PCCA: variants seen among roughly 807,000 people sequenced by gnomAD.
PCCA encodes propionyl-CoA carboxylase subunit alpha.
Under a neutral mutation model 101.3 loss-of-function variants are expected in PCCA, and 74 were observed. The ratio of observed to expected loss-of-function variants is 0.73; its 90% CI spans 0.61 to 0.89. The LOEUF (loss-of-function observed/expected upper bound fraction) is 0.89. Among genes scored for constraint, PCCA ranks in the 40% least tolerant of loss-of-function variants. The pLI is 0.00. For synonymous variants in PCCA, 294 were observed against 313.6 expected (o/e 0.94, Z 0.66); for missense variants, 891 against 907.0 (o/e 0.98, Z 0.23).
intron 21 of PCCA, among the ~76,000 whole-genome samples, chr13:100,483,062 A>G (rs2084075118): frequency 1.3e-5 from 2 of 152,188 alleles, no homozygotes; most frequent in African/African-American, 4.8e-5. Context: ...CTGAAGGTTA[A>G]CAAGAGATAA....
intron 6 of PCCA, among the ~76,000 whole-genome samples, chr13:100,201,857 CAAAAAAAAAAAAAAAAAAA>C (rs55669622): frequency 3.3e-5 from 2 of 60,732 alleles, no homozygotes; most frequent in African/African-American, 6.7e-5. Flanking sequence ...AACTGCGTCT[CAAAAAAAAAAAAAAAAAAA>C]AAAAAAAAAA....
rs147411601 is a variant in PCCA, at chr13:100,233,884, C to T, written c.601-1958C>T. Among the ~76,000 whole-genome samples the T allele has an allele frequency of 1.8e-3, 278 of 152,222 alleles. 2 individuals carry two copies. The highest frequency in any genetic ancestry group is 6.4e-3 in the African/African-American group (266 of 41,552). Reference sequence around the variant, plus strand: ...TTGTGGCAGTGGAATTTTTAATTTGCTGTGTCAGATATAGATATGGCTTTA... The same window carrying T: ...TTGTGGCAGTGGAATTTTTAATTTGTTGTGTCAGATATAGATATGGCTTTA... On this transcript the variant is annotated intron_variant, in intron 7 of 23. Transcript: ENST00000376285.
At chr13:100,311,707 T>C (rs768196732) in intron 16 of PCCA, among the ~76,000 whole-genome samples, 1 of 152,024 alleles carries the variant, frequency 6.6e-6, no homozygotes, top group African/African-American at 2.4e-5. Flanking sequence ...GAGGTGGAGG[T>C]TGCAGTGAGA....
intron 16 of PCCA, among the ~76,000 whole-genome samples, chr13:100,324,484 C>T (rs1424276365): frequency 6.6e-6 from 1 of 151,538 alleles, no homozygotes. Context: ...CCTCGAAGTA[C>T]CAAAGAAAGA....
chr13:100,163,703 A>T (rs2054730863), intron 6 of PCCA, among the ~76,000 whole-genome samples: 1 of 152,212 alleles, frequency 6.6e-6, no homozygotes, highest in Non-Finnish European at 1.5e-5. Context: ...CATCACTGCT[A>T]TGCAATGTCA....
chr13:100,306,391 A>G (rs951437706), intron 14 of PCCA, among the ~76,000 whole-genome samples: 2 of 152,226 alleles, frequency 1.3e-5, no homozygotes, highest in Non-Finnish European at 2.9e-5. Context: ...AATACTTCAG[A>G]TTCCAAAACT....
At chr13:100,145,454 G>A (rs536518298) in intron 4 of PCCA, among the ~76,000 whole-genome samples, 52 of 152,296 alleles carry the variant, frequency 3.4e-4, no homozygotes, top group Admixed American at 3.3e-3. Flanking sequence ...GGATCCCTTG[G>A]CATATATTGA....
intron 12 of PCCA, among the ~76,000 whole-genome samples, chr13:100,298,721 TC>T (rs1298382161): frequency 7.4e-5 from 9 of 121,270 alleles, no homozygotes; most frequent in Non-Finnish European, 1.0e-4. Flanking sequence ...CTTCCTTCCT[TC>T]CTTCCTTCCT....
At chr13:100,385,561 C>G (rs745615440) in intron 19 of PCCA, among the ~76,000 whole-genome samples, 1 of 152,174 alleles carries the variant, frequency 6.6e-6, no homozygotes, top group Non-Finnish European at 1.5e-5. Flanking sequence ...TGATGAGATA[C>G]GATTTTCCAT....
chr13:100,438,206 A>G (rs544418526), intron 20 of PCCA, among the ~76,000 whole-genome samples: 1 of 151,458 alleles, frequency 6.6e-6, no homozygotes, highest in Admixed American at 6.6e-5. Context: ...CCCAGGCTAG[A>G]GTGCAGTGGT....
intron 22 of PCCA, among the ~76,000 whole-genome samples, chr13:100,519,446 C>G (rs2087068221): frequency 6.6e-6 from 1 of 152,246 alleles, no homozygotes; most frequent in African/African-American, 2.4e-5. Flanking sequence ...CTCTTGTGAA[C>G]AACGCCTTAA....
rs527490054 is a variant in PCCA at position 100,332,260 on chromosome 13, AT to A, written c.1540+1592del. Among the ~76,000 whole-genome samples the A allele has an allele frequency of 1.2e-4, 18 of 152,260 alleles. No homozygotes were observed. The South Asian group carries it at 3.5e-3, about 30-fold the overall frequency. ...GCCGCTACTTTGGATATTTTTAATC[AT>A]TTATACATGTATCCAGATAACCAGT... On this transcript the variant is annotated intron_variant, in intron 17 of 23. Transcript: ENST00000376285.
At chr13:100,471,201 A>C (rs1338577040) in intron 21 of PCCA, among the ~76,000 whole-genome samples, 1 of 152,092 alleles carries the variant, frequency 6.6e-6, no homozygotes, top group South Asian at 2.1e-4. Flanking sequence ...AGGGAGAGAG[A>C]TGGGGGATTG....
intron 4 of PCCA, among the ~76,000 whole-genome samples, chr13:100,116,796 A>G (rs1441791894): frequency 6.6e-6 from 1 of 152,162 alleles, no homozygotes; most frequent in Non-Finnish European, 1.5e-5. Context: ...TTGTCTGGAT[A>G]GCAAATATAT....
chr13:100,120,718 T>C (rs181164323), intron 4 of PCCA, among the ~76,000 whole-genome samples: 1 of 152,320 alleles, frequency 6.6e-6, no homozygotes, highest in Non-Finnish European at 1.5e-5. Flanking sequence ...TTAAGCCTCT[T>C]ATTAAGTCAT....
At chr13:100,183,465 G>A (rs2056979201) in intron 6 of PCCA, among the ~76,000 whole-genome samples, 1 of 152,186 alleles carries the variant, frequency 6.6e-6, no homozygotes. Flanking sequence ...AGAAATACTG[G>A]GAGGAGTTTC....
chr13:100,172,755 C>G (rs916833955), intron 6 of PCCA, among the ~76,000 whole-genome samples: 2 of 152,234 alleles, frequency 1.3e-5, no homozygotes, highest in Non-Finnish European at 2.9e-5. Flanking sequence ...GTGCCAGGCA[C>G]TATTCCCACC....
Position 100,201,857 on chromosome 13 carries a change from C to CAA in PCCA, c.469-7445_469-7444dup, listed in dbSNP as rs55669622. 4.1e-3 allele frequency among the ~76,000 whole-genome samples: 251 copies of CAA among 60,718 alleles called. 6 individuals carry two copies. The highest frequency in any genetic ancestry group is 5.6e-3 in the Admixed American group (20 of 3,576). 39.8% of individuals were successfully genotyped at this position (60,718 alleles called of 152,430 possible). A position where few individuals can be genotyped will look rare whatever the true frequency, so the allele number is the denominator to read the frequency against. Reference sequence around the variant, plus strand: ...GGGCAACAAGACTGAAACTGCGTCTCAAAAAAAAAAAAAAAAAAAAAAAAA... The same window carrying CAA: ...GGGCAACAAGACTGAAACTGCGTCTCAAAAAAAAAAAAAAAAAAAAAAAAAAA... On this transcript the variant is annotated intron_variant, in intron 6 of 23. Transcript: ENST00000376285.
At chr13:100,117,120 A>G (rs1037545394) in intron 4 of PCCA, among the ~76,000 whole-genome samples, 1 of 152,016 alleles carries the variant, frequency 6.6e-6, no homozygotes, top group African/African-American at 2.4e-5. Flanking sequence ...TTTTCAGTCC[A>G]TTTGATTTTG....
Sources: gnomAD v4.1 joint callset for allele counts (sites outside exome capture counted in the v4.1 genomes callset) on GRCh38, gnomAD v4.1.1 for gene constraint, MANE v1.5 for transcripts, NCBI Gene and HGNC (gene_info 2026-07-23, HGNC 2026-07-21) for gene names.